CFAP20DC: variants seen among roughly 807,000 people sequenced by gnomAD.
The protein encoded by CFAP20DC is protein CFAP20DC.
A neutral mutation model predicts 101.7 loss-of-function variants in CFAP20DC; 84 were observed. The ratio of observed to expected loss-of-function variants is 0.83; its 90% CI spans 0.69 to 0.99. The LOEUF (loss-of-function observed/expected upper bound fraction) is 0.99. CFAP20DC is among the 50% of genes least tolerant of loss of function. The pLI is 0.00. For missense variants in CFAP20DC, 1,007 were observed against 970.3 expected (o/e 1.04, Z -0.50); for synonymous variants, 359 against 351.2 (o/e 1.02, Z -0.25).
At chr3:59,000,736 C>A (rs986042117) in intron 4 of CFAP20DC, among the ~76,000 whole-genome samples, 3 of 152,132 alleles carry the variant, frequency 2.0e-5, no homozygotes, top group Non-Finnish European at 2.9e-5. Context: ...AAGAACAACA[C>A]AGAAGGTTTT....
chr3:58,744,103 C>T (rs181236284), intron 16 of CFAP20DC, among the ~76,000 whole-genome samples: 40 of 152,290 alleles, frequency 2.6e-4, no homozygotes, highest in Admixed American at 2.4e-3. Context: ...TTACATCTGC[C>T]TTGGTTGCTA....
chr3:58,907,352 C>G (rs2083704869), intron 6 of CFAP20DC, among the ~76,000 whole-genome samples: 1 of 152,158 alleles, frequency 6.6e-6, no homozygotes, highest in Admixed American at 6.5e-5. Flanking sequence ...GCTAAGTAAG[C>G]TCATTAGTGA....
At chr3:58,946,509 T>C (rs1039035779) in intron 4 of CFAP20DC, among the ~76,000 whole-genome samples, 3 of 152,174 alleles carry the variant, frequency 2.0e-5, no homozygotes, top group Non-Finnish European at 2.9e-5. Flanking sequence ...TGGCATCTTA[T>C]AGTCTATGGA....
chr3:58,739,388 T>C (rs1255727681), downstream of CFAP20DC, among the ~76,000 whole-genome samples: 5 of 152,244 alleles, frequency 3.3e-5, no homozygotes, highest in Non-Finnish European at 7.3e-5. Flanking sequence ...TATCTTAAGA[T>C]GTACTTCTAC....
At chr3:58,994,209 G>A (rs1300742758) in intron 4 of CFAP20DC, among the ~76,000 whole-genome samples, 3 of 152,182 alleles carry the variant, frequency 2.0e-5, no homozygotes, top group Non-Finnish European at 4.4e-5. Flanking sequence ...TACCTTGCAA[G>A]CTCAGCACAC....
intron 5 of CFAP20DC, among the ~76,000 whole-genome samples, chr3:58,931,472 A>T (rs143417837): frequency 1.3e-4 from 20 of 148,896 alleles, no homozygotes; most frequent in Admixed American, 2.0e-4. Flanking sequence ...CTGCCTCCTC[A>T]AGTGGGTCCC....
At chr3:58,872,743 A>G (rs908702318) in intron 7 of CFAP20DC, among the ~76,000 whole-genome samples, 42 of 152,158 alleles carry the variant, frequency 2.8e-4, no homozygotes, top group African/African-American at 9.9e-4. Context: ...CACAAGGGTT[A>G]TCTTTCTCTA....
intron 5 of CFAP20DC, among the ~76,000 whole-genome samples, chr3:58,915,939 G>A (rs1017889629): frequency 8.6e-5 from 13 of 151,904 alleles, no homozygotes; most frequent in Non-Finnish European, 1.8e-4. Flanking sequence ...CTAATACCCT[G>A]CTTCCCCTAC....
chr3:58,968,552 T>C lies in CFAP20DC; in HGVS notation c.279-30790A>G, dbSNP rs1469146742. 2.0e-5 allele frequency among the ~76,000 whole-genome samples: 3 copies of C among 152,100 alleles called. No individual in the cohort carries two copies. The East Asian group carries it at 5.8e-4, about 29-fold the overall frequency. Reference sequence around the variant, plus strand: ...TTCATGTCCTTTGCCCACACTTTAATGGGGTTGTTTTTCTCTTGTAAATTT... The same window carrying C: ...TTCATGTCCTTTGCCCACACTTTAACGGGGTTGTTTTTCTCTTGTAAATTT... On this transcript the variant is annotated intron_variant, in intron 4 of 16. Transcript: ENST00000482387.
At chr3:58,956,723 A>G (rs1469445110) in intron 4 of CFAP20DC, among the ~76,000 whole-genome samples, 1 of 152,210 alleles carries the variant, frequency 6.6e-6, no homozygotes, top group Non-Finnish European at 1.5e-5. Context: ...GGTAATTTAT[A>G]CAGGAAAGAG....
intron 4 of CFAP20DC, among the ~76,000 whole-genome samples, chr3:58,987,143 G>A (rs1334529587): frequency 6.6e-6 from 1 of 152,036 alleles, no homozygotes; most frequent in Non-Finnish European, 1.5e-5. Flanking sequence ...GAGAGATAAA[G>A]GAAGAAACAA....
Position 58,729,511 on chromosome 3 carries a change from A to C in CFAP20DC, c.198-11883T>G, listed in dbSNP as rs1412014142. On this transcript the variant is annotated intron_variant, in intron 3 of 3. Coordinates refer to the CFAP20DC transcript ENST00000486145. This position sits in a 1 kb window ranked among gnomAD's most constrained non-coding sequence, Gnocchi z 4.4. Reference sequence around the variant, plus strand: ...GTAGATAAAAGAGTTGTTTTAAGACACTAGATAAGTTTGTTAATTTTAGTA... The same window carrying C: ...GTAGATAAAAGAGTTGTTTTAAGACCCTAGATAAGTTTGTTAATTTTAGTA... Among the ~76,000 whole-genome samples, 1 of 152,086 alleles carries C rather than the reference A, an allele frequency of 6.6e-6. No homozygotes were observed. The highest frequency in any genetic ancestry group is 1.5e-5 in the Non-Finnish European group (1 of 68,020).
At chr3:58,782,247 T>C (rs2071899808) in intron 15 of CFAP20DC, among the ~76,000 whole-genome samples, 2 of 151,838 alleles carry the variant, frequency 1.3e-5, no homozygotes, top group South Asian at 2.1e-4. Context: ...CCCTTCATGA[T>C]AAAAACAACA....
At chr3:58,951,401 T>A (rs1442312608) in intron 4 of CFAP20DC, among the ~76,000 whole-genome samples, 2 of 152,198 alleles carry the variant, frequency 1.3e-5, no homozygotes, top group Non-Finnish European at 2.9e-5. Context: ...GCCATCCCAT[T>A]ACTGGGTATA....
chr3:58,993,850 G>C (rs141814840), intron 4 of CFAP20DC, among the ~76,000 whole-genome samples: 2 of 152,172 alleles, frequency 1.3e-5, no homozygotes, highest in African/African-American at 4.8e-5. Flanking sequence ...CATTTGGGCT[G>C]ATTCCATGTC....
intron 1 of CFAP20DC, among the ~76,000 whole-genome samples, chr3:59,049,215 C>G (rs1700115178): frequency 6.6e-6 from 1 of 152,232 alleles, no homozygotes; most frequent in South Asian, 2.1e-4. Flanking sequence ...CACTCATTCA[C>G]TCTTCTAAAT....
Position 59,037,982 on chromosome 3 carries a change from T to C in CFAP20DC, c.278+1575A>G, listed in dbSNP as rs572703486. 2.4e-4 allele frequency among the ~76,000 whole-genome samples: 37 copies of C among 152,208 alleles called. 1 individual carries two copies. The South Asian group carries it at 7.7e-3, about 32-fold the overall frequency. Reference sequence around the variant, plus strand: ...TGAGTTCATGTCCTTTGCAGGGACATGGATGAAGCTGGAAACCATCACTCT... The same window carrying C: ...TGAGTTCATGTCCTTTGCAGGGACACGGATGAAGCTGGAAACCATCACTCT... On this transcript the variant is annotated intron_variant, in intron 4 of 16. Coordinates refer to ENST00000482387, the MANE Select transcript of CFAP20DC (RefSeq NM_001394063.1).
rs2084253948 is a variant in CFAP20DC at position 58,912,503 on chromosome 3, C to T, written c.550+1205G>A. 3.2e-6 allele frequency: 1 copy of T among 313,066 alleles called. No individual in the cohort carries two copies. Among genetic ancestry groups the T allele is most frequent in the Admixed American group, 4.3e-5 (1 of 23,280 alleles). The allele number at this position is 313,066 out of a possible 1,614,324, so 19.4% of individuals were successfully genotyped here. ...CACAGAGTGAGCCACATCAAGATTTCTCAGGCACACACCCAGATGGAGCAC... is the reference window on the plus strand; with the variant it reads ...CACAGAGTGAGCCACATCAAGATTTTTCAGGCACACACCCAGATGGAGCAC... On this transcript the variant is annotated intron_variant, in intron 6 of 16. Coordinates refer to ENST00000482387, the MANE Select transcript of CFAP20DC (RefSeq NM_001394063.1). The surrounding 1 kb of genome is among the most constrained non-coding windows in gnomAD (Gnocchi z 4.4).
intron 3 of CFAP20DC, chr3:58,734,637 C>G: frequency 2.9e-5 from 13 of 453,280 alleles, no homozygotes; most frequent in South Asian, 2.0e-4. Context: ...TGCAAAGCTC[C>G]CTGGGCAGGT....
Sources: allele counts gnomAD v4.1 joint callset (sites outside exome capture counted in the v4.1 genomes callset), GRCh38; gene constraint gnomAD v4.1.1; non-coding constraint Gnocchi (gnomAD v3.1); transcripts MANE v1.5; gene names NCBI Gene and HGNC (gene_info 2026-07-23, HGNC 2026-07-21).